METTL15: variants seen among roughly 807,000 people sequenced by gnomAD.
The protein encoded by METTL15 is methyltransferase 15, mitochondrial 12S rRNA N4-cytidine, also known as 12S rRNA N(4)-cytidine methyltransferase METTL15.
In METTL15, 34 loss-of-function variants were observed where a neutral mutation model predicts 38.3. The ratio of observed to expected loss-of-function variants is 0.89; its 90% CI spans 0.68 to 1.18. The LOEUF (loss-of-function observed/expected upper bound fraction) is 1.18, where lower values mean the gene tolerates loss of function less well. METTL15 is among the 50% of genes most tolerant of loss of function. The pLI is 0.00. For missense variants in METTL15, 438 were observed against 498.4 expected (o/e 0.88, Z 1.15); for synonymous variants, 162 against 170.9 (o/e 0.95, Z 0.41).
intron 5 of METTL15, among the ~76,000 whole-genome samples, chr11:28,366,320 G>C (rs1045518340): frequency 2.6e-5 from 4 of 152,158 alleles, no homozygotes; most frequent in Non-Finnish European, 4.4e-5. Flanking sequence ...TACAGAAGCA[G>C]ACCAGAATAT....
intron 5 of METTL15, among the ~76,000 whole-genome samples, chr11:28,420,474 A>G (rs1195172203): frequency 6.6e-6 from 1 of 152,144 alleles, no homozygotes; most frequent in Non-Finnish European, 1.5e-5. Flanking sequence ...TTAGTCCACA[A>G]AACAAGTCTT....
At chr11:28,318,569 A>T (rs1849350784) in intron 6 of METTL15, among the ~76,000 whole-genome samples, 1 of 152,218 alleles carries the variant, frequency 6.6e-6, no homozygotes, top group Non-Finnish European at 1.5e-5. Context: ...TGTATTTTAA[A>T]AGTTAGTTTT....
chr11:28,509,391 T>C (rs1851656268), intron 6 of METTL15, among the ~76,000 whole-genome samples: 1 of 152,052 alleles, frequency 6.6e-6, no homozygotes, highest in Non-Finnish European at 1.5e-5. Flanking sequence ...GTATGATGAG[T>C]GAGGTTTTTC....
At chr11:28,452,404 T>A (rs1851130606) in intron 6 of METTL15, among the ~76,000 whole-genome samples, 1 of 152,194 alleles carries the variant, frequency 6.6e-6, no homozygotes, top group South Asian at 2.1e-4. Context: ...TCGGTGATAT[T>A]TAATGACAGC....
In METTL15 at chr11:28,113,470, C is replaced by A; in HGVS notation, c.136C>A (p.Arg46=). The A allele has an allele frequency of 6.2e-7, 1 of 1,611,882 alleles. No individual in the cohort carries two copies. The highest frequency in any genetic ancestry group is 1.3e-5 in the African/African-American group (1 of 74,810). The change falls in exon 3 of 7, where the codon CGG becomes AGG. Residue 46 remains arginine (R), a synonymous_variant. Coordinates refer to ENST00000407364, the MANE Select transcript of METTL15 (RefSeq NM_001113528.2). The stretch of plus-strand genomic sequence containing the variant: ...AGAAAAATATAGAGAATATGAAGCC[C>A]GGGAGCAAACAGATCAAACTCAAGC... ...TAEKYREYEA[R]EQTDQTQAQE... is the part of the protein sequence containing the mutation.
At chr11:28,239,941 A>G (rs1156234239) in intron 4 of METTL15, among the ~76,000 whole-genome samples, 4 of 152,216 alleles carry the variant, frequency 2.6e-5, no homozygotes, top group African/African-American at 7.2e-5. Context: ...CAACTAGAAT[A>G]TAACTACCAT....
chr11:28,507,846 C>G (rs1194935939), intron 6 of METTL15, among the ~76,000 whole-genome samples: 1 of 152,184 alleles, frequency 6.6e-6, no homozygotes, highest in African/African-American at 2.4e-5. Flanking sequence ...TTATCATAAA[C>G]TCTTCACCAC....
chr11:28,163,365 T>C (rs1850538731), intron 3 of METTL15: 1 of 398,062 alleles, frequency 2.5e-6, no homozygotes, highest in African/African-American at 2.1e-5. Context: ...TCCCATGTGC[T>C]CATCTTTCTG....
At chr11:28,372,601 C>T (rs1850256882) in intron 5 of METTL15, among the ~76,000 whole-genome samples, 2 of 151,360 alleles carry the variant, frequency 1.3e-5, no homozygotes, top group South Asian at 2.1e-4. Flanking sequence ...TCAGAGACCA[C>T]ATTATTCTTT....
At chr11:28,270,191 T>C (rs1278252983) in intron 4 of METTL15, among the ~76,000 whole-genome samples, 5 of 152,214 alleles carry the variant, frequency 3.3e-5, no homozygotes, top group African/African-American at 9.6e-5. Context: ...TTTTAAAATA[T>C]GGCATCTGAT....
intron 3 of METTL15, among the ~76,000 whole-genome samples, chr11:28,138,667 G>A (rs7128488): frequency 0.46 from 70,499 of 152,024 alleles, 17,874 homozygotes; most frequent in Admixed American, 0.56. Flanking sequence ...GATACTAACC[G>A]GAAAGTACTC....
intron 3 of METTL15, among the ~76,000 whole-genome samples, chr11:28,157,724 A>G (rs1850311929): frequency 6.6e-6 from 1 of 152,098 alleles, no homozygotes; most frequent in Admixed American, 6.5e-5. Context: ...GCAGGTCCTG[A>G]AGGCACAAGT....
intron 6 of METTL15, among the ~76,000 whole-genome samples, chr11:28,505,802 G>A (rs767127522): frequency 1.3e-5 from 2 of 152,080 alleles, no homozygotes; most frequent in South Asian, 2.1e-4. Flanking sequence ...AATTATTGTC[G>A]GTTCCTGGCC....
At chr11:28,502,467 A>T (rs1211956302) in intron 6 of METTL15, among the ~76,000 whole-genome samples, 2 of 152,200 alleles carry the variant, frequency 1.3e-5, no homozygotes, top group Admixed American at 1.3e-4. Context: ...TTTAGGTCCT[A>T]GTTTGCCACC....
chr11:28,471,607 G>T (rs972354850), intron 6 of METTL15, among the ~76,000 whole-genome samples: 2 of 152,010 alleles, frequency 1.3e-5, no homozygotes, highest in Non-Finnish European at 1.5e-5. Flanking sequence ...ATCATGCAAG[G>T]TTGCTTTTCT....
At chr11:28,319,361 G>A (rs375454802) in intron 6 of METTL15, among the ~76,000 whole-genome samples, 4 of 152,062 alleles carry the variant, frequency 2.6e-5, no homozygotes, top group African/African-American at 9.6e-5. Context: ...TCTTAAAATT[G>A]TTGCTTTGTT....
At chr11:28,435,081 G>T (rs918395063) in intron 6 of METTL15, among the ~76,000 whole-genome samples, 1 of 152,150 alleles carries the variant, frequency 6.6e-6, no homozygotes, top group Non-Finnish European at 1.5e-5. Context: ...CCCCTAATTT[G>T]CTCAATCTTC....
At chr11:28,281,161 A>T (rs1387220222) in intron 4 of METTL15, among the ~76,000 whole-genome samples, 1 of 152,196 alleles carries the variant, frequency 6.6e-6, no homozygotes, top group African/African-American at 2.4e-5. Context: ...AATTCATCTA[A>T]GACTATGTTA....
chr11:28,455,698 ATTTAT>A (rs991450861), intron 6 of METTL15, among the ~76,000 whole-genome samples: 4 of 151,788 alleles, frequency 2.6e-5, no homozygotes, highest in African/African-American at 7.3e-5. Context: ...ATGGTTTCTT[ATTTAT>A]TTTATTTTAT....
Sources: allele counts gnomAD v4.1 joint callset (sites outside exome capture counted in the v4.1 genomes callset), GRCh38; gene constraint gnomAD v4.1.1; transcripts MANE v1.5; gene names NCBI Gene and HGNC (gene_info 2026-07-23, HGNC 2026-07-21).